The following SDK1 variants were observed in gnomAD, a reference collection of about 807,000 sequenced individuals.
SDK1 encodes the protein protein sidekick-1.
In SDK1, 157 loss-of-function variants were observed where a neutral mutation model predicts 245.5. The observed-to-expected ratio is 0.64, with a 90% confidence interval of 0.56 to 0.73. The LOEUF (loss-of-function observed/expected upper bound fraction) is 0.73. Ranked by LOEUF, SDK1 falls within the 30% of genes least tolerant of loss-of-function variation. The pLI, the probability that SDK1 is intolerant of heterozygous loss-of-function variation, is 0.00. For synonymous variants in SDK1, 1,647 were observed against 1,278.5 expected (o/e 1.29, Z -6.15); for missense variants, 3,583 against 3,002.3 (o/e 1.19, Z -4.52).
intron 5 of SDK1, among the ~76,000 whole-genome samples, chr7:3,879,591 G>A (rs1037094544): frequency 2.0e-5 from 3 of 152,192 alleles, no homozygotes; most frequent in African/African-American, 4.8e-5. Flanking sequence ...CACGCTCCCG[G>A]TACTCAGCCT....
intron 1 of SDK1, among the ~76,000 whole-genome samples, chr7:3,327,646 G>A (rs1402200573): frequency 6.6e-6 from 1 of 151,864 alleles, no homozygotes; most frequent in Admixed American, 6.6e-5. Context: ...CATATCTGTA[G>A]TTCCAAAATA....
At chr7:3,409,177 G>A (rs528948245) in intron 1 of SDK1, among the ~76,000 whole-genome samples, 9 of 152,176 alleles carry the variant, frequency 5.9e-5, no homozygotes, top group Non-Finnish European at 1.3e-4. Flanking sequence ...CATGAGCCTT[G>A]TTATTCAATT....
chr7:4,196,062 T>C (rs1783559477), intron 35 of SDK1, among the ~76,000 whole-genome samples: 1 of 152,194 alleles, frequency 6.6e-6, no homozygotes, highest in Non-Finnish European at 1.5e-5. Flanking sequence ...TCTGGACTTT[T>C]ACTGGAAGTA....
intron 32 of SDK1, among the ~76,000 whole-genome samples, chr7:4,162,160 G>A (rs1361557770): frequency 6.6e-6 from 1 of 152,100 alleles, no homozygotes; most frequent in Non-Finnish European, 1.5e-5. Context: ...GAGGAACTGG[G>A]TATGTCTTGG....
At chr7:3,991,145 A>T (rs951673751) in intron 14 of SDK1, among the ~76,000 whole-genome samples, 4 of 152,226 alleles carry the variant, frequency 2.6e-5, no homozygotes, top group African/African-American at 9.6e-5. Flanking sequence ...AGTCAGAGAA[A>T]GTCTTCAAAG....
intron 5 of SDK1, among the ~76,000 whole-genome samples, chr7:3,841,635 C>A (rs571522233): frequency 1.3e-5 from 2 of 151,712 alleles, no homozygotes; most frequent in Non-Finnish European, 2.9e-5. Context: ...GGCGCAATCT[C>A]GGCTCACTGC....
intron 4 of SDK1, among the ~76,000 whole-genome samples, chr7:3,791,982 G>T (rs1162512595): frequency 6.6e-6 from 1 of 151,848 alleles, no homozygotes; most frequent in African/African-American, 2.4e-5. Flanking sequence ...AAAAAAATTA[G>T]CCAGATGTAG....
intron 19 of SDK1, among the ~76,000 whole-genome samples, chr7:4,055,442 G>A (rs1318084220): frequency 6.6e-6 from 1 of 152,066 alleles, no homozygotes; most frequent in Non-Finnish European, 1.5e-5. Flanking sequence ...TTTTATTCCT[G>A]ATATTGATGA....
chr7:3,894,391 C>T (rs931329827), intron 5 of SDK1, among the ~76,000 whole-genome samples: 3 of 151,876 alleles, frequency 2.0e-5, no homozygotes, highest in Admixed American at 6.6e-5. Flanking sequence ...GAGATCCATG[C>T]CTGTACTGGA....
At chr7:3,358,210 CAG>C (rs927831817) in intron 1 of SDK1, among the ~76,000 whole-genome samples, 1 of 152,004 alleles carries the variant, frequency 6.6e-6, no homozygotes, top group African/African-American at 2.4e-5. Flanking sequence ...TTAGTAGAGG[CAG>C]GGTTTCACCA....
intron 36 of SDK1, 55 bp downstream of exon 36, chr7:4,206,049 A>C: frequency 8.4e-7 from 1 of 1,191,290 alleles, no homozygotes; most frequent in Non-Finnish European, 1.2e-6. Flanking sequence ...CCCCTCGTTC[A>C]CGTGGTCCTG....
At chr7:3,341,931 G>A (rs1003351566) in intron 1 of SDK1, among the ~76,000 whole-genome samples, 4 of 152,086 alleles carry the variant, frequency 2.6e-5, no homozygotes, top group Non-Finnish European at 4.4e-5. Context: ...AAAGGTTATT[G>A]AAAAACCTGT....
chr7:3,554,939 C>CA (rs1308479163), intron 1 of SDK1, among the ~76,000 whole-genome samples: 7 of 151,852 alleles, frequency 4.6e-5, no homozygotes, highest in African/African-American at 1.2e-4. Context: ...AGAGGACACG[C>CA]AAAAAAATGG....
chr7:3,353,411 C>A (rs1345024921), intron 1 of SDK1, among the ~76,000 whole-genome samples: 1 of 151,884 alleles, frequency 6.6e-6, no homozygotes, highest in African/African-American at 2.4e-5. Flanking sequence ...CACATGACTC[C>A]CAATTTTTGA....
intron 22 of SDK1, among the ~76,000 whole-genome samples, chr7:4,099,479 C>T (rs1782395719): frequency 7.8e-6 from 1 of 127,464 alleles, no homozygotes; most frequent in Non-Finnish European, 1.6e-5. Context: ...TCAGCGGGCT[C>T]CGGGGCTGGG....
chr7:3,678,264 C>G (rs989961762), intron 4 of SDK1, among the ~76,000 whole-genome samples: 3 of 152,180 alleles, frequency 2.0e-5, no homozygotes, highest in East Asian at 1.9e-4. Context: ...AATTTCACAT[C>G]TAGGTATATA....
chr7:3,962,523 A>T (rs1781781152), intron 8 of SDK1, 134 bp from the exon 9 acceptor site: 1 of 729,312 alleles, frequency 1.4e-6, no homozygotes, highest in African/African-American at 1.8e-5. Flanking sequence ...AGCTCCTTAT[A>T]GGGTGGTTGA....
At chr7:3,386,260 TTATC>T (rs368845963) in intron 1 of SDK1, among the ~76,000 whole-genome samples, 249 of 152,312 alleles carry the variant, frequency 1.6e-3, no homozygotes, top group African/African-American at 5.8e-3. Flanking sequence ...GTTTTATACT[TTATC>T]TATTAGAAGT....
chr7:3,556,505 A>G (rs559980474), intron 1 of SDK1, among the ~76,000 whole-genome samples: 2 of 152,268 alleles, frequency 1.3e-5, no homozygotes, highest in South Asian at 4.1e-4. Flanking sequence ...GGGTGACTAA[A>G]GTCAATAATT....
Sources: gnomAD v4.1 joint callset for allele counts (sites outside exome capture counted in the v4.1 genomes callset) on GRCh38, gnomAD v4.1.1 for gene constraint, MANE v1.5 for transcripts, NCBI Gene and HGNC (gene_info 2026-07-23, HGNC 2026-07-21) for gene names.